PRDM11: variants seen among roughly 807,000 people sequenced by gnomAD.
The protein encoded by PRDM11 is PR domain-containing protein 11.
In PRDM11, 20 loss-of-function variants were observed where a neutral mutation model predicts 97.8. That is an observed-to-expected ratio of 0.20 (90% confidence interval 0.14 to 0.30). PRDM11 has a LOEUF of 0.30. PRDM11 is among the 10% of genes least tolerant of loss of function. The probability of loss-of-function intolerance (pLI) is 1.00; values close to 1 mark genes in which losing one functional copy is unlikely to be tolerated. For missense variants in PRDM11, 1,139 were observed against 1,555.2 expected (o/e 0.73, Z 4.50); for synonymous variants, 599 against 637.7 (o/e 0.94, Z 0.91).
At chr11:45,130,104 C>A (rs1324602585) in intron 1 of PRDM11, among the ~76,000 whole-genome samples, 1 of 152,010 alleles carries the variant, frequency 6.6e-6, no homozygotes, top group African/African-American at 2.4e-5. Context: ...GAAGCTTGAT[C>A]CCTACCTCAC....
intron 1 of PRDM11, among the ~76,000 whole-genome samples, chr11:45,126,043 A>G (rs968709444): frequency 1.1e-4 from 16 of 152,208 alleles, no homozygotes; most frequent in Non-Finnish European, 2.2e-4. Context: ...GTGCATATAT[A>G]TTTAGGATAG....
intron 4 of PRDM11, among the ~76,000 whole-genome samples, chr11:45,192,224 A>G (rs994111696): frequency 2.6e-5 from 4 of 152,200 alleles, no homozygotes; most frequent in Non-Finnish European, 5.9e-5. Flanking sequence ...ATTAGGGTAT[A>G]ACAGAGGTAC....
intron 1 of PRDM11, among the ~76,000 whole-genome samples, chr11:45,104,408 T>G (rs1011604544): frequency 1.3e-5 from 2 of 152,140 alleles, no homozygotes; most frequent in African/African-American, 4.8e-5. Context: ...GGGGTCGGGT[T>G]TCTCATCTGC....
chr11:45,096,012 T>G, intron 1 of PRDM11: 1 of 702,596 alleles, frequency 1.4e-6, no homozygotes. Context: ...CTGCTTGTTG[T>G]CATCTTCTCA....
At chr11:45,204,662 G>A (rs1331823895) in intron 4 of PRDM11, 49 bp from the exon 5 acceptor site, 3 of 1,543,110 alleles carry the variant, frequency 1.9e-6, no homozygotes, top group Admixed American at 1.7e-5. Context: ...CCAGGGACAT[G>A]AGAACCCCTC....
At position 45,153,459 on chromosome 11, in the gene PRDM11, C is replaced by T. The variant is rs184534128; in HGVS notation, c.-7+6582C>T. 4.3e-4 allele frequency among the ~76,000 whole-genome samples: 65 copies of T among 152,278 alleles called. 1 individual carries two copies. The Middle Eastern group carries it at 0.02, about 48-fold the overall frequency. ...CCTCCAAGGGCTGCATGGACAGCTC[C>T]GGAGAAAGACGGAGCACCAGTGAAT... On this transcript the variant is annotated intron_variant, in intron 1 of 7. Transcript: ENST00000683152.
At chr11:45,213,553 C>A (rs772448944) in intron 5 of PRDM11, 1 of 456,530 alleles carries the variant, frequency 2.2e-6, no homozygotes, top group South Asian at 1.5e-5. Context: ...TCCGCTTGCC[C>A]TTGTGCGCGT....
At chr11:45,181,187 G>A (rs2135734352) in intron 1 of PRDM11, among the ~76,000 whole-genome samples, 1 of 152,292 alleles carries the variant, frequency 6.6e-6, no homozygotes, top group Admixed American at 6.5e-5. Context: ...GGGCTGGGGA[G>A]TGTCCCCTTG....
At chr11:45,106,590 C>T (rs1310382857) in intron 1 of PRDM11, among the ~76,000 whole-genome samples, 4 of 152,126 alleles carry the variant, frequency 2.6e-5, no homozygotes, top group African/African-American at 9.7e-5. Context: ...ATGCCTGAGG[C>T]GCCGGCTGGA....
Position 45,230,727 on chromosome 11 carries a change from G to A in PRDM11, c.*2568G>A, listed in dbSNP as rs1590489528. 1 of 152,252 alleles carries A rather than the reference G, an allele frequency of 6.6e-6. No individual in the cohort carries two copies. The highest frequency in any genetic ancestry group is 2.4e-5 in the African/African-American group (1 of 41,452). 9.4% of individuals were successfully genotyped at this position (152,252 alleles called of 1,614,324 possible). A position where few individuals can be genotyped will look rare whatever the true frequency, so the allele number is the denominator to read the frequency against. ...ACAGTTGCCTTACACCTTACATTGG[G>A]TAATGGGTAGGGAGGAGCAGGCTAA... On this transcript the variant is annotated 3_prime_UTR_variant, in exon 8 of 8. Coordinates refer to ENST00000683152, the MANE Select transcript of PRDM11 (RefSeq NM_001384648.1).
chr11:45,181,944 C>G, intron 2 of PRDM11, 59 bp downstream of exon 2: 6 of 1,503,146 alleles, frequency 4.0e-6, no homozygotes, highest in South Asian at 2.4e-5. Context: ...TGCCTGGGCT[C>G]GGTTGGTTGG....
intron 1 of PRDM11, among the ~76,000 whole-genome samples, chr11:45,126,067 T>C (rs958844923): frequency 1.3e-5 from 2 of 152,232 alleles, no homozygotes; most frequent in African/African-American, 4.8e-5. Flanking sequence ...GCTCTTCTTG[T>C]TGAATTGATC....
intron 1 of PRDM11, among the ~76,000 whole-genome samples, chr11:45,106,266 G>A (rs1421636527): frequency 6.6e-6 from 1 of 152,046 alleles, no homozygotes; most frequent in Non-Finnish European, 1.5e-5. Context: ...CACCCCGTTG[G>A]CAGCCCCAGC....
chr11:45,166,859 G>C (rs903873720), intron 1 of PRDM11, among the ~76,000 whole-genome samples: 2 of 152,224 alleles, frequency 1.3e-5, no homozygotes, highest in Non-Finnish European at 2.9e-5. Flanking sequence ...GGATCAGCCA[G>C]AGAAGCCCAA....
At chr11:45,179,452 T>C (rs1416990973) in intron 1 of PRDM11, among the ~76,000 whole-genome samples, 1 of 152,226 alleles carries the variant, frequency 6.6e-6, no homozygotes, top group East Asian at 1.9e-4. Context: ...TAACCTGCTG[T>C]ATTAGTCATC....
intron 1 of PRDM11, among the ~76,000 whole-genome samples, chr11:45,168,533 C>T (rs781752301): frequency 4.6e-5 from 7 of 152,086 alleles, no homozygotes; most frequent in Non-Finnish European, 8.8e-5. Context: ...CTTGAGGTTT[C>T]CTCCCCTCTG....
In PRDM11 at chr11:45,228,240, A is replaced by ATATATTATATTATAT. The variant is rs72446887; in HGVS notation, c.*97_*111dup. ...ATAAGCTTTGATATATTATATAAAT[A>ATATATTATATTATAT]TATATTATATTATATTATATTATAT... is the stretch of plus-strand genomic sequence containing the variant. On this transcript the variant is annotated 3_prime_UTR_variant, in exon 8 of 8. Coordinates refer to ENST00000683152, the MANE Select transcript of PRDM11 (RefSeq NM_001384648.1). 1 of 226,502 alleles carries ATATATTATATTATAT rather than the reference A, an allele frequency of 4.4e-6. No homozygotes were observed. The highest frequency in any genetic ancestry group is 9.7e-5 in the East Asian group (1 of 10,314). 14.0% of individuals were successfully genotyped at this position (226,502 alleles called of 1,614,324 possible). A position where few individuals can be genotyped will look rare whatever the true frequency, so the allele number is the denominator to read the frequency against.
chr11:45,124,245 G>A (rs1852513337), intron 1 of PRDM11, among the ~76,000 whole-genome samples: 1 of 152,174 alleles, frequency 6.6e-6, no homozygotes, highest in Non-Finnish European at 1.5e-5. Flanking sequence ...ATTTTGGGCT[G>A]AGACAATGGG....
At chr11:45,099,498 T>C (rs1203557131) in intron 1 of PRDM11, among the ~76,000 whole-genome samples, 6 of 144,780 alleles carry the variant, frequency 4.1e-5, no homozygotes, top group African/African-American at 1.5e-4. Context: ...GCCCCACATC[T>C]CCTGGGTCCA....
Sources: gnomAD v4.1 joint callset for allele counts (sites outside exome capture counted in the v4.1 genomes callset) on GRCh38, gnomAD v4.1.1 for gene constraint, MANE v1.5 for transcripts, NCBI Gene and HGNC (gene_info 2026-07-23, HGNC 2026-07-21) for gene names.